Variants in MACROD2 observed in about 807,000 individuals in gnomAD.
MACROD2 encodes the protein mono-ADP ribosylhydrolase 2.
A neutral mutation model predicts 70.4 loss-of-function variants in MACROD2; 36 were observed. That is an observed-to-expected ratio of 0.51 (90% CI 0.39 to 0.68). The LOEUF is 0.68. Ranked by LOEUF, MACROD2 falls within the 30% of genes least tolerant of loss-of-function variation. The pLI is 0.00. For synonymous variants in MACROD2, 172 were observed against 178.8 expected (o/e 0.96, Z 0.30); for missense variants, 496 against 538.4 (o/e 0.92, Z 0.78).
At chr20:14,533,594 A>G (rs2085330993) in intron 4 of MACROD2, among the ~76,000 whole-genome samples, 1 of 152,252 alleles carries the variant, frequency 6.6e-6, no homozygotes, top group South Asian at 2.1e-4. Flanking sequence ...CCTGATTTCT[A>G]AACATCTGGT....
At position 14,294,893 on chromosome 20, in the gene MACROD2, T is replaced by C. The variant is rs185866385; in HGVS notation, c.272-198586T>C. On this transcript the variant is annotated intron_variant, in intron 3 of 17. Coordinates refer to ENST00000684519, the MANE Select transcript of MACROD2 (RefSeq NM_001351661.2). ...TTACCATACCTGGCAATTTTATTAA[T>C]GTCTTACCTAACTGTAAACTCAATA... Among the ~76,000 whole-genome samples the C allele has an allele frequency of 4.6e-5, 7 of 151,842 alleles. No homozygotes were observed. In the East Asian group the frequency reaches 9.7e-4, roughly 21 times the overall value.
At chr20:15,524,922 G>A (rs1439910796) in intron 8 of MACROD2, among the ~76,000 whole-genome samples, 24 of 152,190 alleles carry the variant, frequency 1.6e-4, no homozygotes, top group Admixed American at 1.5e-3. Flanking sequence ...AGGTTCTACT[G>A]AATAGTCCAA....
chr20:14,121,147 G>C (rs1184181206), intron 3 of MACROD2, among the ~76,000 whole-genome samples: 3 of 152,106 alleles, frequency 2.0e-5, no homozygotes, highest in Non-Finnish European at 4.4e-5. Context: ...ATGGAAATGA[G>C]AAAACTCTAG....
chr20:14,055,308 A>G (rs868286318), intron 2 of MACROD2, among the ~76,000 whole-genome samples: 4 of 151,994 alleles, frequency 2.6e-5, no homozygotes, highest in African/African-American at 7.2e-5. Context: ...CTTGTTATTC[A>G]TAGTCTTTGC....
At chr20:16,023,107 T>C (rs1210006060) in intron 15 of MACROD2, among the ~76,000 whole-genome samples, 5 of 151,952 alleles carry the variant, frequency 3.3e-5, no homozygotes, top group African/African-American at 1.2e-4. Flanking sequence ...AGAAGGAAAA[T>C]AAAAAGCTCA....
intron 3 of MACROD2, among the ~76,000 whole-genome samples, chr20:14,234,515 C>T (rs894774687): frequency 6.6e-6 from 1 of 152,168 alleles, no homozygotes; most frequent in Non-Finnish European, 1.5e-5. Flanking sequence ...AATGATCTTA[C>T]ATTAAATATT....
At chr20:15,051,677 G>C (rs1217331974) in intron 5 of MACROD2, among the ~76,000 whole-genome samples, 2 of 151,750 alleles carry the variant, frequency 1.3e-5, no homozygotes, top group East Asian at 3.9e-4. Flanking sequence ...GCTGCATCTT[G>C]GTTAGTGTTT....
intron 5 of MACROD2, among the ~76,000 whole-genome samples, chr20:14,952,350 A>C (rs538465757): frequency 5.3e-5 from 8 of 152,278 alleles, no homozygotes; most frequent in African/African-American, 1.7e-4. Flanking sequence ...AATACAGCTT[A>C]GATCTGTTAT....
chr20:14,250,176 T>A (rs563105372), intron 3 of MACROD2, among the ~76,000 whole-genome samples: 1 of 147,448 alleles, frequency 6.8e-6, no homozygotes, highest in South Asian at 2.1e-4. Flanking sequence ...AAAAAAAAAA[T>A]AACTGATTTG....
In MACROD2 at chr20:15,873,681, AAAAG is replaced by A. The variant is rs2064619088; in HGVS notation, c.727+10862_727+10865del. Among the ~76,000 whole-genome samples, 3 of 152,048 alleles carry A rather than the reference AAAAG, an allele frequency of 2.0e-5. No individual in the cohort carries two copies. In the South Asian group the frequency reaches 6.2e-4, roughly 31 times the overall value. On this transcript the variant is annotated intron_variant, in intron 9 of 17. Coordinates refer to ENST00000684519, the MANE Select transcript of MACROD2 (RefSeq NM_001351661.2). The stretch of plus-strand genomic sequence containing the variant: ...AAAGATAAGATTTTAAAATATATAA[AAAAG>A]AAAGAAGGAAGGAAGGAAGGAAGGA...
At chr20:14,997,499 G>A (rs1328788849) in intron 5 of MACROD2, among the ~76,000 whole-genome samples, 1 of 152,126 alleles carries the variant, frequency 6.6e-6, no homozygotes, top group East Asian at 1.9e-4. Flanking sequence ...TGGTGGCTGA[G>A]AGAGATTCCT....
chr20:15,800,663 C>T (rs1357038643), intron 8 of MACROD2, among the ~76,000 whole-genome samples: 2 of 152,080 alleles, frequency 1.3e-5, no homozygotes, highest in African/African-American at 2.4e-5. Context: ...CCCCTCTGCC[C>T]GGCCACCACC....
intron 3 of MACROD2, among the ~76,000 whole-genome samples, chr20:14,273,645 A>G (rs1396882279): frequency 6.6e-6 from 1 of 150,520 alleles, no homozygotes; most frequent in South Asian, 2.1e-4. Context: ...AACTAAAATC[A>G]GAGCAGAACT....
intron 5 of MACROD2, among the ~76,000 whole-genome samples, chr20:14,830,503 A>G (rs779410511): frequency 8.5e-5 from 13 of 152,156 alleles, no homozygotes; most frequent in African/African-American, 1.4e-4. Flanking sequence ...GTATGTTAAC[A>G]TAATTTTGTT....
intron 5 of MACROD2, among the ~76,000 whole-genome samples, chr20:15,067,910 A>C (rs752912307): frequency 6.6e-6 from 1 of 152,216 alleles, no homozygotes. Flanking sequence ...CAGTTAACAA[A>C]TAATAAATGT....
intron 3 of MACROD2, among the ~76,000 whole-genome samples, chr20:14,403,151 A>G (rs1297161166): frequency 1.3e-5 from 2 of 152,186 alleles, no homozygotes; most frequent in Non-Finnish European, 2.9e-5. Flanking sequence ...AGAATTATGC[A>G]TTTGTTTAAA....
At chr20:15,546,275 C>T (rs1408120644) in intron 8 of MACROD2, among the ~76,000 whole-genome samples, 1 of 152,194 alleles carries the variant, frequency 6.6e-6, no homozygotes. Flanking sequence ...CATGACTTCA[C>T]ATGATAGCTA....
chr20:14,053,744 G>A (rs958847716), intron 2 of MACROD2: 1 of 152,010 alleles, frequency 6.6e-6, no homozygotes, highest in Non-Finnish European at 1.5e-5. Flanking sequence ...CCCATAGATA[G>A]CGTGATGGAA....
intron 5 of MACROD2, among the ~76,000 whole-genome samples, chr20:14,933,015 T>G (rs1029321108): frequency 6.6e-6 from 1 of 152,180 alleles, no homozygotes; most frequent in African/African-American, 2.4e-5. Flanking sequence ...GTTGAGATTT[T>G]TAAATAAGTA....
Sources: gnomAD v4.1 joint callset for allele counts (sites outside exome capture counted in the v4.1 genomes callset) on GRCh38, gnomAD v4.1.1 for gene constraint, MANE v1.5 for transcripts, NCBI Gene and HGNC (gene_info 2026-07-23, HGNC 2026-07-21) for gene names.